The following TECPR2 variants were observed in gnomAD, a reference collection of about 807,000 sequenced individuals.
TECPR2 encodes the protein tectonin beta-propeller repeat containing 2, also known as tectonin beta-propeller repeat-containing protein 2.
A neutral mutation model predicts 138.1 loss-of-function variants in TECPR2; 65 were observed. The ratio of observed to expected loss-of-function variants is 0.47; its 90% CI spans 0.39 to 0.58. The LOEUF is 0.58. Ranked by LOEUF, TECPR2 falls within the 20% of genes least tolerant of loss-of-function variation. The pLI, the probability that TECPR2 is intolerant of heterozygous loss-of-function variation, is 0.00. For synonymous variants in TECPR2, 746 were observed against 749.8 expected, an observed-to-expected ratio of 0.99 and a Z score of 0.08; for missense variants, 1,553 against 1,824.5, an observed-to-expected ratio of 0.85 and a Z score of 2.71.
Position 102,420,308 on chromosome 14 carries a change from A to C in TECPR2, c.639-4671A>C, listed in dbSNP as rs1889145227. Among the ~76,000 whole-genome samples the C allele has an allele frequency of 6.6e-6, 1 of 152,182 alleles. No individual in the cohort carries two copies. Among genetic ancestry groups the C allele is most frequent in the East Asian group, 1.9e-4 (1 of 5,204 alleles). ...AGAATCCTGCAATACTTAGACCTTA[A>C]AAGTTGGAGCTTCAGTGTCAAATTC... On this transcript the variant is annotated intron_variant, in intron 5 of 19. Coordinates refer to ENST00000359520, the MANE Select transcript of TECPR2 (RefSeq NM_014844.5). The surrounding 1 kb of genome is among the most constrained non-coding windows in gnomAD (Gnocchi z 4.1).
At chr14:102,481,776 G>C (rs943207451) in intron 17 of TECPR2, among the ~76,000 whole-genome samples, 1 of 152,154 alleles carries the variant, frequency 6.6e-6, no homozygotes, top group Non-Finnish European at 1.5e-5. Flanking sequence ...AGCTGTGTTT[G>C]GTCCCCTGAC....
In TECPR2 at chr14:102,435,090, A is replaced by G. The variant is rs775251321; in HGVS notation, c.2273A>G (p.Tyr758Cys). ...TLTSSDEEDIYAHGLPSSSSE... is the reference protein window; with the variant it reads ...TLTSSDEEDICAHGLPSSSSE... The stretch of plus-strand genomic sequence containing the variant: ...ACGTCCAGCGATGAGGAGGACATCT[A>G]TGCCCACGGGCTTCCTTCTTCATCC... Residue 758 changes from tyrosine (Y) to cysteine (C), a missense_variant, in exon 9 of 20, where the codon TAT (tyrosine) becomes TGT (cysteine). Tyr to Cys is a radical substitution (Grantham distance 194, BLOSUM62 -2). Coordinates refer to ENST00000359520, the MANE Select transcript of TECPR2 (RefSeq NM_014844.5). 11 of 1,613,960 alleles carry G rather than the reference A, an allele frequency of 6.8e-6. No individual in the cohort carries two copies. Among genetic ancestry groups the G allele is most frequent in the African/African-American group, 1.3e-5 (1 of 75,064 alleles).
intron 17 of TECPR2, chr14:102,465,672 TC>T: frequency 1.0e-6 from 1 of 984,530 alleles, no homozygotes; most frequent in Admixed American, 6.0e-5. Context: ...TTACTTTGAA[TC>T]TTGTCATGGA....
intron 17 of TECPR2, among the ~76,000 whole-genome samples, chr14:102,483,504 C>T (rs1038295924): frequency 6.6e-6 from 1 of 152,046 alleles, no homozygotes; most frequent in Non-Finnish European, 1.5e-5. Flanking sequence ...CACAATGGCG[C>T]AATCACAGCT....
rs745458532 is a variant in TECPR2, at chr14:102,432,083, G to A, written c.1372G>A (p.Val458Met). 1.1e-5 allele frequency: 17 copies of A among 1,608,178 alleles called. No homozygotes were observed. Among genetic ancestry groups the A allele is most frequent in the East Asian group, 2.2e-5 (1 of 44,786 alleles). Residue 458 changes from valine to methionine, a missense_variant, in exon 8 of 20, where the codon GTG becomes ATG. Transcript: ENST00000359520. ...SSEDFDQELV[V>M]KPIKVKRKKK... ...AGAGGACTTTGACCAGGAGCTTGTC[G>A]TGAAGCCTATCAAAGTGAAAAGGAA...
At chr14:102,460,998 A>AT (rs888278508) in intron 16 of TECPR2, among the ~76,000 whole-genome samples, 31 of 147,778 alleles carry the variant, frequency 2.1e-4, no homozygotes, top group East Asian at 3.9e-4. Context: ...CCCAGCCTCA[A>AT]TTTTTTTTTT....
At position 102,493,176 on chromosome 14, in the gene TECPR2, G is replaced by T. The variant is rs575551115; in HGVS notation, c.3790-3803G>T. ...GTTGTCCTTGACTTACTATTCAAAA[G>T]CTAGCTGCTTCAAACCACAGCGCGT... On this transcript the variant is annotated intron_variant, in intron 17 of 19. Coordinates refer to ENST00000359520, the MANE Select transcript of TECPR2 (RefSeq NM_014844.5). Among the ~76,000 whole-genome samples, 19 of 152,352 alleles carry T rather than the reference G, an allele frequency of 1.2e-4. 1 individual carries two copies. The South Asian group carries it at 3.9e-3, about 32-fold the overall frequency.
In TECPR2 at chr14:102,438,049, G is replaced by A. The variant is rs1387207933; in HGVS notation, c.2422G>A (p.Gly808Ser). The A allele has an allele frequency of 6.2e-7, 1 of 1,614,068 alleles. No homozygotes were observed. Among genetic ancestry groups the A allele is most frequent in the South Asian group, 1.1e-5 (1 of 91,072 alleles). Residue 808 changes from glycine (G) to serine (S), a missense_variant, in exon 10 of 20, where the codon GGT (glycine) becomes AGT (serine). Gly to Ser is a moderately conservative substitution (Grantham distance 56). Transcript: ENST00000359520. ...QFAESWMGYSGPGYGILSLVV... is the reference protein window; with the variant it reads ...QFAESWMGYSSPGYGILSLVV... Reference sequence around the variant, plus strand: ...TGCAGAAAGCTGGATGGGCTACTCGGGTCCCGGCTATGGCATCCTCAGCTT... The same window carrying A: ...TGCAGAAAGCTGGATGGGCTACTCGAGTCCCGGCTATGGCATCCTCAGCTT...
intron 1 of TECPR2, among the ~76,000 whole-genome samples, chr14:102,365,721 G>A (rs368892457): frequency 6.6e-6 from 1 of 152,210 alleles, no homozygotes; most frequent in South Asian, 2.1e-4. Context: ...GAGAGAAGAA[G>A]CGTGTAGAGG....
chr14:102,371,666 A>G (rs1887512571), intron 1 of TECPR2, among the ~76,000 whole-genome samples: 1 of 151,544 alleles, frequency 6.6e-6, no homozygotes, highest in Non-Finnish European at 1.5e-5. Flanking sequence ...TTGGCAATAC[A>G]TTTTTTTTTA....
At chr14:102,496,915 G>A in intron 17 of TECPR2, 64 bp from the exon 18 acceptor site, 2 of 1,584,598 alleles carry the variant, frequency 1.3e-6, no homozygotes, top group Non-Finnish European at 1.7e-6. Flanking sequence ...AGTTCCGGAA[G>A]TCTCCTGTCC....
intron 10 of TECPR2, 125 bp from the exon 11 acceptor site, chr14:102,440,310 AC>A: frequency 7.6e-7 from 1 of 1,323,144 alleles, no homozygotes; most frequent in Non-Finnish European, 1.0e-6. Flanking sequence ...CTCTTTCCCC[AC>A]TTGGGGGGAC....
intron 16 of TECPR2, among the ~76,000 whole-genome samples, chr14:102,460,040 G>A (rs529920711): frequency 5.8e-4 from 88 of 152,234 alleles, no homozygotes; most frequent in Non-Finnish European, 1.1e-3. Context: ...GGAGGTTGAG[G>A]CAGGAGGATC....
intron 2 of TECPR2, among the ~76,000 whole-genome samples, chr14:102,387,119 CAAAT>C (rs540802679): frequency 6.6e-6 from 1 of 152,098 alleles, no homozygotes; most frequent in East Asian, 1.9e-4. Context: ...AGTTTATGCT[CAAAT>C]AAATCCATGT....
intron 1 of TECPR2, among the ~76,000 whole-genome samples, chr14:102,365,750 G>C (rs1012973990): frequency 7.2e-5 from 11 of 152,150 alleles, no homozygotes; most frequent in Non-Finnish European, 7.4e-5. Flanking sequence ...CTAAAGGGTA[G>C]GGAGTGCACA....
chr14:102,497,864 C>T lies in TECPR2; in HGVS notation c.4081+145C>T, dbSNP rs1328700498. Reference sequence around the variant, plus strand: ...CTGAGGGCAAAGCCAGGAGTGTGTCCCAGGGAGGGAAGGGGCTGGACACCT... The same window carrying T: ...CTGAGGGCAAAGCCAGGAGTGTGTCTCAGGGAGGGAAGGGGCTGGACACCT... On this transcript the variant is annotated intron_variant, in intron 19 of 19. Transcript: ENST00000359520. The T allele has an allele frequency of 3.2e-6, 4 of 1,249,544 alleles. No homozygotes were observed. In the African/African-American group the frequency reaches 4.5e-5, roughly 14 times the overall value. 77.4% of individuals were successfully genotyped at this position (1,249,544 alleles called of 1,614,324 possible).
In TECPR2 at chr14:102,381,150, G is replaced by A. The variant is rs549259201; in HGVS notation, c.219+4210G>A. ...TAATTTTTCTATTTTTAGTAGAGACGGGGTTTCACCATGTTGTCCAGGCTG... is the reference window on the plus strand; with the variant it reads ...TAATTTTTCTATTTTTAGTAGAGACAGGGTTTCACCATGTTGTCCAGGCTG... On this transcript the variant is annotated intron_variant, in intron 2 of 19. Coordinates refer to ENST00000359520, the MANE Select transcript of TECPR2 (RefSeq NM_014844.5). Among the ~76,000 whole-genome samples, 12 of 149,060 alleles carry A rather than the reference G, an allele frequency of 8.1e-5. No individual in the cohort carries two copies. In the East Asian group the frequency reaches 1.9e-3, roughly 24 times the overall value.
At chr14:102,468,434 AC>A (rs1306805004) in intron 17 of TECPR2, among the ~76,000 whole-genome samples, 2 of 152,130 alleles carry the variant, frequency 1.3e-5, no homozygotes, top group African/African-American at 4.8e-5. Context: ...TGATCCGCCT[AC>A]CTGGGTCTCC....
chr14:102,403,968 G>C (rs1888572847), intron 2 of TECPR2, among the ~76,000 whole-genome samples: 2 of 152,068 alleles, frequency 1.3e-5, no homozygotes, highest in Admixed American at 1.3e-4. Context: ...CACAATCACA[G>C]CTCACTGCAG....
Sources: gnomAD v4.1 joint callset for allele counts (sites outside exome capture counted in the v4.1 genomes callset) on GRCh38, gnomAD v4.1.1 for gene constraint, Gnocchi (gnomAD v3.1) non-coding constraint, MANE v1.5 for transcripts, NCBI Gene and HGNC (gene_info 2026-07-23, HGNC 2026-07-21) for gene names.